The following EFCAB6 variants were observed in gnomAD, a reference collection of about 807,000 sequenced individuals.
The protein encoded by EFCAB6 is EF-hand calcium-binding domain-containing protein 6.
A neutral mutation model predicts 169.8 loss-of-function variants in EFCAB6; 156 were observed. The observed-to-expected ratio is 0.92, with a 90% CI of 0.81 to 1.05. EFCAB6 has a LOEUF of 1.05. Among genes scored for constraint, EFCAB6 ranks in the 50% least tolerant of loss-of-function variants. The probability of loss-of-function intolerance (pLI) is 0.00; values close to 1 mark genes in which losing one functional copy is unlikely to be tolerated. For synonymous variants in EFCAB6, 698 were observed against 676.4 expected, an observed-to-expected ratio of 1.03 and a Z score of -0.50; for missense variants, 1,800 against 1,829.1, an observed-to-expected ratio of 0.98 and a Z score of 0.29.
intron 6 of EFCAB6, among the ~76,000 whole-genome samples, chr22:43,738,093 C>G (rs1329043748): frequency 3.3e-5 from 5 of 150,970 alleles, no homozygotes; most frequent in Non-Finnish European, 5.9e-5. Context: ...CATGCAGATA[C>G]ATGCACACAC....
At chr22:43,669,980 T>C (rs2057418103) in intron 15 of EFCAB6, among the ~76,000 whole-genome samples, 1 of 152,190 alleles carries the variant, frequency 6.6e-6, no homozygotes, top group Non-Finnish European at 1.5e-5. Context: ...AAATGTATTC[T>C]TGTGTAGATT....
In EFCAB6 at chr22:43,671,961, C is replaced by G; in HGVS notation, c.1640+12G>C. ...AACACGACATGAATTAATTTTGTTA[C>G]AAAAAACTTACTTTATGAAATGTGC... On this transcript the variant is annotated intron_variant, in intron 15 of 31. Transcript: ENST00000262726. 6.2e-7 allele frequency: 1 copy of G among 1,610,112 alleles called. No individual in the cohort carries two copies. The highest frequency in any genetic ancestry group is 1.3e-5 in the African/African-American group (1 of 74,802).
At chr22:43,723,138 C>T (rs966899621) in intron 8 of EFCAB6, among the ~76,000 whole-genome samples, 2 of 152,196 alleles carry the variant, frequency 1.3e-5, no homozygotes, top group Admixed American at 6.5e-5. Context: ...GACTATATTG[C>T]TGTAATCTTC....
At position 43,711,557 on chromosome 22, in the gene EFCAB6, C is replaced by A; in HGVS notation, c.949G>T (p.Val317Leu). Residue 317 changes from valine (V) to leucine (L), a missense_variant, in exon 10 of 32, where the codon GTG (valine) becomes TTG (leucine). Physicochemically the swap from Val to Leu is conservative, Grantham distance 32 (BLOSUM62 1). Transcript: ENST00000262726. ...SAGDPCKGGYVSFNYLKIVLD... is the reference protein window; with the variant it reads ...SAGDPCKGGYLSFNYLKIVLD... ...ACAATCTTTAGATAATTAAAAGACA[C>A]GTAGCCACCTTTACAGGGGTCCCCT... The A allele has an allele frequency of 6.2e-7, 1 of 1,604,606 alleles. No individual in the cohort carries two copies. The highest frequency in any genetic ancestry group is 8.5e-7 in the Non-Finnish European group (1 of 1,177,870).
chr22:43,734,436 A>T (rs1000171351), intron 7 of EFCAB6, among the ~76,000 whole-genome samples: 1 of 152,172 alleles, frequency 6.6e-6, no homozygotes, highest in African/African-American at 2.4e-5. Flanking sequence ...ATCTCAAATA[A>T]AAATTTGTGG....
At chr22:43,731,641 G>A in intron 8 of EFCAB6, 58 bp downstream of exon 8, 1 of 1,043,020 alleles carries the variant, frequency 9.6e-7, no homozygotes, top group Non-Finnish European at 1.4e-6. Flanking sequence ...CCAAAGAACA[G>A]GAATTACCAT....
intron 17 of EFCAB6, among the ~76,000 whole-genome samples, chr22:43,660,777 C>G (rs138963178): frequency 1.3e-5 from 2 of 152,248 alleles, no homozygotes; most frequent in Non-Finnish European, 2.9e-5. Flanking sequence ...TGGCAGCTAG[C>G]CTGCATGCAT....
At chr22:43,643,473 A>C (rs1394862811) in intron 17 of EFCAB6, among the ~76,000 whole-genome samples, 3 of 152,252 alleles carry the variant, frequency 2.0e-5, no homozygotes, top group Admixed American at 6.5e-5. Context: ...GTGAGCAATA[A>C]GGAGCCACTC....
At chr22:43,635,359 G>A (rs137732) in intron 17 of EFCAB6, 143 bp from the exon 18 acceptor site, 69,971 of 648,806 alleles carry the variant, frequency 0.11, 4,320 homozygotes, top group Admixed American at 0.12. Context: ...CTGCCAGGGG[G>A]TGGGACCGAG....
At chr22:43,643,975 C>T (rs35374998) in intron 17 of EFCAB6, among the ~76,000 whole-genome samples, 2 of 152,082 alleles carry the variant, frequency 1.3e-5, no homozygotes, top group African/African-American at 2.4e-5. Flanking sequence ...AGGCGCCCAC[C>T]ATGACGCCTG....
intron 25 of EFCAB6, among the ~76,000 whole-genome samples, chr22:43,578,053 A>C (rs1214692271): frequency 1.3e-5 from 2 of 152,144 alleles, no homozygotes; most frequent in African/African-American, 2.4e-5. Flanking sequence ...TCACATCTCT[A>C]GTAAAGATCT....
chr22:43,669,827 T>G (rs893742576), intron 15 of EFCAB6, among the ~76,000 whole-genome samples: 1 of 152,196 alleles, frequency 6.6e-6, no homozygotes, highest in African/African-American at 2.4e-5. Flanking sequence ...TGAGGACACT[T>G]CCAGAGCATC....
chr22:43,755,407 G>A (rs2060919967), intron 6 of EFCAB6, among the ~76,000 whole-genome samples: 1 of 152,182 alleles, frequency 6.6e-6, no homozygotes, highest in Non-Finnish European at 1.5e-5. Flanking sequence ...CTCTTGATTG[G>A]CATTGACTGC....
chr22:43,723,348 T>C (rs1280320063), intron 8 of EFCAB6, among the ~76,000 whole-genome samples: 1 of 152,096 alleles, frequency 6.6e-6, no homozygotes, highest in African/African-American at 2.4e-5. Flanking sequence ...GGGTGTGGAT[T>C]GAAAAACTAC....
intron 15 of EFCAB6, among the ~76,000 whole-genome samples, chr22:43,671,498 T>C (rs545314002): frequency 5.6e-4 from 85 of 152,336 alleles, no homozygotes; most frequent in African/African-American, 1.8e-3. Flanking sequence ...GAATGCAACA[T>C]ATTTAACTGT....
intron 10 of EFCAB6, among the ~76,000 whole-genome samples, chr22:43,706,346 A>T (rs1373352084): frequency 1.3e-5 from 2 of 152,160 alleles, no homozygotes; most frequent in Admixed American, 1.3e-4. Context: ...ACTGAATCAG[A>T]AGTAGTTCCT....
intron 22 of EFCAB6, among the ~76,000 whole-genome samples, chr22:43,605,159 CTG>C (rs1323355632): frequency 1.3e-5 from 2 of 152,232 alleles, no homozygotes; most frequent in African/African-American, 4.8e-5. Flanking sequence ...AAGTATGACA[CTG>C]AGAGAAATCG....
intron 24 of EFCAB6, among the ~76,000 whole-genome samples, chr22:43,588,514 G>A (rs2147379845): frequency 6.6e-6 from 1 of 152,188 alleles, no homozygotes; most frequent in South Asian, 2.1e-4. Context: ...AGCTAAAACT[G>A]AGGAAATCTC....
intron 6 of EFCAB6, among the ~76,000 whole-genome samples, chr22:43,749,838 G>A (rs1320813148): frequency 1.3e-5 from 2 of 152,128 alleles, no homozygotes; most frequent in African/African-American, 4.8e-5. Context: ...ACTTCTATGT[G>A]CCCAGCACTA....
Sources: gnomAD v4.1 joint callset for allele counts (sites outside exome capture counted in the v4.1 genomes callset) on GRCh38, gnomAD v4.1.1 for gene constraint, MANE v1.5 for transcripts, NCBI Gene and HGNC (gene_info 2026-07-23, HGNC 2026-07-21) for gene names.